The following ZFX variants were observed in gnomAD, a reference collection of about 807,000 sequenced individuals.
The protein encoded by ZFX is zinc finger X-chromosomal protein.
For synonymous variants in ZFX, 196 were observed against 226.8 expected (o/e 0.86, Z 1.22); for missense variants, 362 against 628.3 (o/e 0.58, Z 4.53).
At chrX:24,158,114 T>A (rs1932899665) in intron 3 of ZFX, among the ~76,000 whole-genome samples, 1 of 111,953 alleles carries the variant, frequency 8.9e-6, no homozygotes, top group Admixed American at 9.5e-5. Flanking sequence ...TAAATAAGTC[T>A]GAATTGTCTT....
chrX:24,207,210 C>A, intron 5 of ZFX, 116 bp from the exon 6 acceptor site: 1 of 781,882 alleles, frequency 1.3e-6, no homozygotes, highest in Non-Finnish European at 1.8e-6. Context: ...GCACTCCAGC[C>A]TGGGTGACAG....
chrX:24,210,083 A>C, intron 9 of ZFX, 110 bp from the exon 10 acceptor site: 1 of 992,689 alleles, frequency 1.0e-6, no homozygotes, highest in South Asian at 2.2e-5. Context: ...CAAATAGTCC[A>C]ATTTAGGAGT....
At chrX:24,186,624 T>TA (rs1005928900) in intron 5 of ZFX, among the ~76,000 whole-genome samples, 31 of 109,445 alleles carry the variant, frequency 2.8e-4, no homozygotes, top group African/African-American at 2.0e-4. Flanking sequence ...CCCCATCTCT[T>TA]AAAAAAAAAT....
At chrX:24,170,025 C>T (rs1934415068) in intron 3 of ZFX, among the ~76,000 whole-genome samples, 1 of 111,388 alleles carries the variant, frequency 9.0e-6, no homozygotes, top group Non-Finnish European at 1.9e-5. Context: ...AGTTGAGAAT[C>T]CGTAGAGCTG....
intron 5 of ZFX, among the ~76,000 whole-genome samples, chrX:24,205,978 TTCTG>T (rs1937560371): frequency 9.0e-6 from 1 of 111,547 alleles, no homozygotes; most frequent in Admixed American, 9.5e-5. Context: ...TTTTCTCCCC[TTCTG>T]TCTCTCTCTG....
intron 5 of ZFX, among the ~76,000 whole-genome samples, chrX:24,192,893 C>CAA (rs759166413): frequency 6.0e-4 from 29 of 48,504 alleles, no homozygotes; most frequent in African/African-American, 1.4e-3. Flanking sequence ...GACCCTGTCT[C>CAA]AAAAAAAAAA....
rs944815928 is a variant in ZFX, at chrX:24,179,644, G to A, written c.520G>A (p.Asp174Asn). ...AEIVTDPLTT[D>N]VVSEEVLVAD... Reference sequence around the variant, plus strand: ...AATTGTCACTGATCCTCTGACTACCGACGTAGTTTCAGAAGAAGTATTGGT... The same window carrying A: ...AATTGTCACTGATCCTCTGACTACCAACGTAGTTTCAGAAGAAGTATTGGT... The change falls in exon 5 of 10, where the codon GAC becomes AAC. Residue 174 changes from aspartate to asparagine, a missense_variant. Physicochemically the swap from Asp to Asn is conservative, Grantham distance 23 (BLOSUM62 1). Coordinates refer to ENST00000304543, the MANE Select transcript of ZFX (RefSeq NM_003410.4). 2.5e-6 allele frequency: 3 copies of A among 1,211,702 alleles called. No homozygotes were observed. Among genetic ancestry groups the A allele is most frequent in the Non-Finnish European group, 3.4e-6 (3 of 895,510 alleles).
intron 4 of ZFX, among the ~76,000 whole-genome samples, chrX:24,173,947 G>A (rs760940926): frequency 9.1e-6 from 1 of 110,254 alleles, no homozygotes; most frequent in Non-Finnish European, 1.9e-5. Flanking sequence ...ACGATGGCTC[G>A]CACATGTAAT....
At chrX:24,206,540 TGTGTGTGTGTA>T (rs1269471547) in intron 5 of ZFX, among the ~76,000 whole-genome samples, 67 of 98,943 alleles carry the variant, frequency 6.8e-4, no homozygotes, top group African/African-American at 2.5e-3. Flanking sequence ...TGTGTGTGTG[TGTGTGTGTGTA>T]TTTTTTTTTT....
intron 8 of ZFX, 107 bp downstream of exon 8, chrX:24,208,477 A>T: frequency 1.0e-6 from 1 of 967,365 alleles, no homozygotes; most frequent in Non-Finnish European, 1.4e-6. Context: ...CTGAAATACC[A>T]GTATCCTGTA....
chrX:24,215,966 C>A lies in ZFX; in HGVS notation c.*4590C>A, dbSNP rs760143020. Reference sequence around the variant, plus strand: ...TAAGTTTACCCTATGGATTTTGTTTCATCTTTTGTTTCGTGTATATACTGT... The same window carrying A: ...TAAGTTTACCCTATGGATTTTGTTTAATCTTTTGTTTCGTGTATATACTGT... On this transcript the variant is annotated 3_prime_UTR_variant, in exon 10 of 10. Coordinates refer to ENST00000304543, the MANE Select transcript of ZFX (RefSeq NM_003410.4). 9.0e-6 allele frequency: 1 copy of A among 111,450 alleles called. No individual in the cohort carries two copies. The highest frequency in any genetic ancestry group is 2.8e-4 in the East Asian group (1 of 3,600). The allele number at this position is 111,450 out of a possible 1,213,427, so 9.2% of individuals were successfully genotyped here. A position where few individuals can be genotyped will look rare whatever the true frequency, so the allele number is the denominator to read the frequency against.
intron 5 of ZFX, chrX:24,207,093 C>T (rs759949266): frequency 4.7e-5 from 14 of 295,496 alleles, no homozygotes; most frequent in Non-Finnish European, 7.1e-5. Flanking sequence ...ATTAGCCGGG[C>T]GTGGTGGTAG....
At position 24,180,126 on chromosome X, in the gene ZFX, G is replaced by A. The variant is rs761112501; in HGVS notation, c.646+356G>A. ...GGGCGCCTGTAATCCCAGCTACTTG[G>A]GAGGCTGAGGCAGGAGAATCGCTTG... On this transcript the variant is annotated intron_variant, in intron 5 of 9. Transcript: ENST00000304543. Among the ~76,000 whole-genome samples the A allele has an allele frequency of 1.3e-3, 141 of 109,815 alleles. 1 individual carries two copies. Among genetic ancestry groups the A allele is most frequent in the Non-Finnish European group, 2.4e-3 (124 of 52,667 alleles).
intron 5 of ZFX, among the ~76,000 whole-genome samples, chrX:24,199,602 G>A (rs1030256498): frequency 9.0e-6 from 1 of 110,863 alleles, no homozygotes; most frequent in African/African-American, 3.3e-5. Flanking sequence ...GAGAAATGGA[G>A]GTGGTGGAGA....
chrX:24,159,681 C>T lies in ZFX; in HGVS notation c.-29+6851C>T, dbSNP rs184833697. The stretch of plus-strand genomic sequence containing the variant: ...GTAGAGATGGGTTTCACCATGTTGG[C>T]CAGGCCTCAGGTCTGGTCTCGAACT... On this transcript the variant is annotated intron_variant, in intron 3 of 9. Transcript: ENST00000304543. Among the ~76,000 whole-genome samples, 770 of 111,234 alleles carry T rather than the reference C, an allele frequency of 6.9e-3. 8 individuals carry two copies. Among genetic ancestry groups the T allele is most frequent in the African/African-American group, 0.024 (726 of 30,538 alleles).
At chrX:24,183,786 G>A (rs945840117) in intron 5 of ZFX, among the ~76,000 whole-genome samples, 1 of 105,351 alleles carries the variant, frequency 9.5e-6, no homozygotes, top group Non-Finnish European at 1.9e-5. Context: ...AGGCTGGAGT[G>A]CAGTGGCTCC....
At position 24,208,946 on chromosome X, in the gene ZFX, C is replaced by G; in HGVS notation, c.1140C>G (p.Ala380=). The G allele has an allele frequency of 8.3e-7, 1 of 1,211,454 alleles. No homozygotes were observed. The highest frequency in any genetic ancestry group is 1.1e-6 in the Non-Finnish European group (1 of 895,422). ...AAAACCGGAATGGCACTGCAAGTGC[C>G]CTCTTGCACATAGATGAGTCTGCTG... ...GIENRNGTAS[A]LLHIDESAGL... The change falls in exon 9 of 10, where the codon GCC becomes GCG. Residue 380 remains alanine, a synonymous_variant. Coordinates refer to ENST00000304543, the MANE Select transcript of ZFX (RefSeq NM_003410.4).
chrX:24,204,953 A>T (rs1319021660), intron 5 of ZFX, among the ~76,000 whole-genome samples: 2 of 112,381 alleles, frequency 1.8e-5, no homozygotes, highest in Non-Finnish European at 1.9e-5. Flanking sequence ...ATAAGACTGT[A>T]AATTTCTGGA....
At chrX:24,169,115 ATAG>A (rs1934311500) in intron 3 of ZFX, among the ~76,000 whole-genome samples, 1 of 111,674 alleles carries the variant, frequency 9.0e-6, no homozygotes, top group African/African-American at 3.3e-5. Flanking sequence ...AAGTTGAGGT[ATAG>A]TCATCTCTGT....
Sources: allele counts gnomAD v4.1 joint callset (sites outside exome capture counted in the v4.1 genomes callset), GRCh38; gene constraint gnomAD v4.1.1; transcripts MANE v1.5; gene names NCBI Gene and HGNC (gene_info 2026-07-23, HGNC 2026-07-21).